Variants in WNT3A observed in about 807,000 individuals in gnomAD.
The protein encoded by WNT3A is protein Wnt-3a.
Under a neutral mutation model 37.0 loss-of-function variants are expected in WNT3A, and 17 were observed. That is an observed-to-expected ratio of 0.46 (90% CI 0.31 to 0.69). WNT3A has a LOEUF of 0.69. WNT3A is among the 30% of genes least tolerant of loss of function. The pLI is 0.05. For synonymous variants in WNT3A, 187 were observed against 211.0 expected (o/e 0.89, Z 0.99); for missense variants, 411 against 510.2 (o/e 0.81, Z 1.87).
intron 2 of WNT3A, among the ~76,000 whole-genome samples, chr1:228,034,328 C>T (rs188545006): frequency 6.6e-6 from 1 of 152,310 alleles, no homozygotes; most frequent in East Asian, 1.9e-4. Context: ...AGATCTTGTA[C>T]TCTGTAACCT....
At chr1:228,009,792 C>A (rs1288022230) in intron 1 of WNT3A, among the ~76,000 whole-genome samples, 1 of 152,178 alleles carries the variant, frequency 6.6e-6, no homozygotes, top group Non-Finnish European at 1.5e-5. Flanking sequence ...GTCCCTGTGG[C>A]CAGCAGCCCT....
chr1:228,043,326 A>C (rs1191094501), intron 2 of WNT3A, among the ~76,000 whole-genome samples: 1 of 152,224 alleles, frequency 6.6e-6, no homozygotes, highest in East Asian at 1.9e-4. Context: ...TAGGTGGCTC[A>C]AAAAGTTCAG....
chr1:228,012,790 A>T (rs2030412572), intron 1 of WNT3A, among the ~76,000 whole-genome samples: 1 of 152,084 alleles, frequency 6.6e-6, no homozygotes, highest in Non-Finnish European at 1.5e-5. Flanking sequence ...AAAGCTCCCT[A>T]GGGATGAGAG....
At chr1:228,015,022 C>A (rs1039811846) in intron 1 of WNT3A, among the ~76,000 whole-genome samples, 1 of 152,260 alleles carries the variant, frequency 6.6e-6, no homozygotes, top group South Asian at 2.1e-4. Flanking sequence ...AAAAACAAAA[C>A]AAAACAAAAC....
intron 2 of WNT3A, among the ~76,000 whole-genome samples, chr1:228,034,664 T>A (rs1198204368): frequency 6.6e-6 from 1 of 152,184 alleles, no homozygotes; most frequent in Non-Finnish European, 1.5e-5. Flanking sequence ...TTACCATGCA[T>A]CTCTCAATTC....
rs1217155091 is a variant in WNT3A at position 228,038,185 on chromosome 1, C to G, written c.314-12471C>G. ...GCAGGCCATGATTACCAAATGCCAC[C>G]GCGACACCCCCTCCCGGCCGCCTGG... On this transcript the variant is annotated intron_variant, in intron 2 of 3. Coordinates refer to ENST00000284523, the MANE Select transcript of WNT3A (RefSeq NM_033131.4). The surrounding 1 kb of genome is among the most constrained non-coding windows in gnomAD (Gnocchi z 5.7). Among the ~76,000 whole-genome samples, 2 of 152,130 alleles carry G rather than the reference C, an allele frequency of 1.3e-5. No homozygotes were observed. Among genetic ancestry groups the G allele is most frequent in the Non-Finnish European group, 2.9e-5 (2 of 67,976 alleles).
Position 228,059,786 on chromosome 1 carries a change from T to A in WNT3A, c.*321T>A. On this transcript the variant is annotated 3_prime_UTR_variant, in exon 4 of 4. Transcript: ENST00000284523. ...GGGGCTACAGATTGGGCGGGGCTTC[T>A]CTTGGGTGGGACAGGGCTTCTCCTG... The A allele has an allele frequency of 1.7e-6, 2 of 1,144,694 alleles. No individual in the cohort carries two copies. The highest frequency in any genetic ancestry group is 1.1e-6 in the Non-Finnish European group (1 of 930,984). 70.9% of individuals were successfully genotyped at this position (1,144,694 alleles called of 1,614,324 possible). A position where few individuals can be genotyped will look rare whatever the true frequency, so the allele number is the denominator to read the frequency against.
Position 228,015,750 on chromosome 1 carries a change from T to A in WNT3A, c.72-6917T>A, listed in dbSNP as rs375524442. On this transcript the variant is annotated intron_variant, in intron 1 of 3. Transcript: ENST00000284523. ...CCAAGTGCTTACCTGTGGTTCCTTG[T>A]GTGAGTGATCCTCAGCAAGGACCCT... 2.2e-4 allele frequency among the ~76,000 whole-genome samples: 31 copies of A among 142,388 alleles called. 1 individual carries two copies. The highest frequency in any genetic ancestry group is 5.3e-4 in the African/African-American group (21 of 39,292). The allele number at this position is 142,388 out of a possible 152,430, so 93.4% of individuals were successfully genotyped here. A position where few individuals can be genotyped will look rare whatever the true frequency, so the allele number is the denominator to read the frequency against.
chr1:228,017,100 T>C (rs2030555849), intron 1 of WNT3A, among the ~76,000 whole-genome samples: 1 of 152,182 alleles, frequency 6.6e-6, no homozygotes, highest in African/African-American at 2.4e-5. Flanking sequence ...GGAAGCCCTG[T>C]TCTGCTGTAT....
intron 2 of WNT3A, among the ~76,000 whole-genome samples, chr1:228,030,495 A>T (rs894401678): frequency 1.3e-5 from 2 of 152,224 alleles, no homozygotes; most frequent in Non-Finnish European, 2.9e-5. Flanking sequence ...ACCCAGCGAG[A>T]AAAAGAGGTC....
rs1431390766 is a variant in WNT3A, at chr1:228,007,068, C to A, written c.-61C>A. 7 of 1,353,096 alleles carry A rather than the reference C, an allele frequency of 5.2e-6. 1 individual carries two copies. In the South Asian group the frequency reaches 5.8e-5, roughly 11 times the overall value. 83.8% of individuals were successfully genotyped at this position (1,353,096 alleles called of 1,614,324 possible). On this transcript the variant is annotated 5_prime_UTR_variant, in exon 1 of 4. Transcript: ENST00000284523. The surrounding 1 kb of genome is among the most constrained non-coding windows in gnomAD (Gnocchi z 6.0). ...GCCGCGCCAGCTCCCAGGGCCCGGCCCCCCCCGGCGCTCACGCTCTCGGGG... is the reference window on the plus strand; with the variant it reads ...GCCGCGCCAGCTCCCAGGGCCCGGCACCCCCCGGCGCTCACGCTCTCGGGG...
Position 228,050,720 on chromosome 1 carries a change from C to T in WNT3A, c.378C>T (p.Arg126=). Reference sequence around the variant, plus strand: ...CCGGTGTGGCCTTTGCAGTGACACGCTCATGTGCAGAAGGCACGGCCGCCA... The same window carrying T: ...CCGGTGTGGCCTTTGCAGTGACACGTTCATGTGCAGAAGGCACGGCCGCCA... ...ASAGVAFAVT[R]SCAEGTAAIC... is the part of the protein sequence containing the mutation. Residue 126 remains arginine, a synonymous_variant, in exon 3 of 4, where the codon CGC becomes CGT. Transcript: ENST00000284523. The surrounding 1 kb of genome is among the most constrained non-coding windows in gnomAD (Gnocchi z 5.0). 1 of 1,614,122 alleles carries T rather than the reference C, an allele frequency of 6.2e-7. No individual in the cohort carries two copies. Among genetic ancestry groups the T allele is most frequent in the Non-Finnish European group, 8.5e-7 (1 of 1,180,004 alleles).
chr1:228,058,048 G>T (rs1003334164), intron 3 of WNT3A, among the ~76,000 whole-genome samples: 1 of 152,144 alleles, frequency 6.6e-6, no homozygotes, highest in Admixed American at 6.5e-5. Context: ...TGAGCCACCC[G>T]CCTTGGCCTC....
chr1:228,048,353 C>A (rs1402531789), intron 2 of WNT3A, among the ~76,000 whole-genome samples: 1 of 152,222 alleles, frequency 6.6e-6, no homozygotes, highest in Admixed American at 6.5e-5. Context: ...CCAGGGCACA[C>A]CTAGCCCCCA....
Position 228,026,565 on chromosome 1 carries a change from T to C in WNT3A, c.313+3657T>C, listed in dbSNP as rs567230238. On this transcript the variant is annotated intron_variant, in intron 2 of 3. Transcript: ENST00000284523. ...GATTTTAGTGCACCCCTCACCTAAATAATGTACATTGTAACCAATATGTAG... is the reference window on the plus strand; with the variant it reads ...GATTTTAGTGCACCCCTCACCTAAACAATGTACATTGTAACCAATATGTAG... 3.3e-5 allele frequency among the ~76,000 whole-genome samples: 5 copies of C among 152,344 alleles called. No individual in the cohort carries two copies. In the South Asian group the frequency reaches 1.0e-3, roughly 32 times the overall value.
intron 3 of WNT3A, among the ~76,000 whole-genome samples, chr1:228,057,902 G>T (rs374251768): frequency 6.6e-6 from 1 of 152,298 alleles, no homozygotes; most frequent in Non-Finnish European, 1.5e-5. Context: ...GTGCAGTGGC[G>T]CAATCTCCGC....
rs2031168470 is a variant in WNT3A at position 228,037,355 on chromosome 1, GA to G, written c.314-13298del. 2.0e-5 allele frequency among the ~76,000 whole-genome samples: 3 copies of G among 152,182 alleles called. No individual in the cohort carries two copies. In the South Asian group the frequency reaches 6.2e-4, roughly 32 times the overall value. On this transcript the variant is annotated intron_variant, in intron 2 of 3. Transcript: ENST00000284523. The surrounding 1 kb of genome is among the most constrained non-coding windows in gnomAD (Gnocchi z 4.1). ...AGCCCCAAAGGGTGGGGAGAGTAAT[GA>G]AAGGGTCCTGCGCACCACATGTCAG...
At chr1:228,058,356 T>C (rs1172628645) in intron 3 of WNT3A, among the ~76,000 whole-genome samples, 6 of 151,074 alleles carry the variant, frequency 4.0e-5, no homozygotes, top group Non-Finnish European at 5.9e-5. Flanking sequence ...ACATGCCCCT[T>C]CACGCTCACC....
intron 2 of WNT3A, among the ~76,000 whole-genome samples, chr1:228,033,309 G>A (rs1051892922): frequency 2.6e-5 from 4 of 151,908 alleles, no homozygotes; most frequent in Non-Finnish European, 4.4e-5. Flanking sequence ...GAGTTTTAGC[G>A]TTTTAGTGCT....
Sources: gnomAD v4.1 joint callset for allele counts (sites outside exome capture counted in the v4.1 genomes callset) on GRCh38, gnomAD v4.1.1 for gene constraint, Gnocchi (gnomAD v3.1) non-coding constraint, MANE v1.5 for transcripts, NCBI Gene and HGNC (gene_info 2026-07-23, HGNC 2026-07-21) for gene names.